Variants in C6 observed in about 807,000 individuals in gnomAD.
C6 encodes complement C6, also known as complement component C6.
C6 carries 101 observed loss-of-function variants against 112.9 expected under a neutral mutation model. The observed-to-expected ratio is 0.89, with a 90% CI of 0.76 to 1.06. The LOEUF is 1.06. Among genes scored for constraint, C6 ranks in the 50% least tolerant of loss-of-function variants. C6 has a pLI of 0.00. For synonymous variants in C6, 431 were observed against 384.1 expected (o/e 1.12, Z -1.43); for missense variants, 1,202 against 1,104.6 (o/e 1.09, Z -1.25).
chr5:41,169,354 A>C (rs575834259), intron 9 of C6, among the ~76,000 whole-genome samples: 7 of 152,050 alleles, frequency 4.6e-5, no homozygotes, highest in African/African-American at 1.4e-4. Context: ...CGCACTCTTA[A>C]ATTATCCCTG....
rs1749747487 is a variant in C6, at chr5:41,186,106, GTATGGATTACTTGTCC to G, written c.674_689del (p.Arg225ThrfsTer21). On this transcript the variant is annotated frameshift_variant, in exon 6 of 18. Coordinates refer to ENST00000337836, the MANE Select transcript of C6 (RefSeq NM_000065.5). LOFTEE classifies it high-confidence loss of function. ...CATTTTCCAGATTGGCCGGAACACG[GTATGGATTACTTGTCC>G]TACTGCTTTTGACAGTTTTACATAT... is the stretch of plus-strand genomic sequence containing the variant. 3 of 1,613,988 alleles carry G rather than the reference GTATGGATTACTTGTCC, an allele frequency of 1.9e-6. No homozygotes were observed. Among genetic ancestry groups the G allele is most frequent in the Non-Finnish European group, 2.5e-6 (3 of 1,179,928 alleles).
At chr5:41,189,255 C>A (rs947323780) in intron 5 of C6, among the ~76,000 whole-genome samples, 3 of 151,858 alleles carry the variant, frequency 2.0e-5, no homozygotes, top group Non-Finnish European at 1.5e-5. Context: ...ACCATAAGAC[C>A]CTGCAATTCC....
rs1746140462 is a variant in C6, at chr5:41,149,226, A to G, written c.2623+15T>C. On this transcript the variant is annotated intron_variant, in intron 17 of 17. Coordinates refer to ENST00000337836, the MANE Select transcript of C6 (RefSeq NM_000065.5). ...TTAAGTGAGAGCATTTAGTATGGTC[A>G]CCATTGGAACTTACCTGAACATTTT... is the stretch of plus-strand genomic sequence containing the variant. 1 of 1,613,944 alleles carries G rather than the reference A, an allele frequency of 6.2e-7. No individual in the cohort carries two copies. Among genetic ancestry groups the G allele is most frequent in the Non-Finnish European group, 8.5e-7 (1 of 1,179,858 alleles).
At chr5:41,207,142 G>A (rs1416463686) in intron 1 of C6, among the ~76,000 whole-genome samples, 2 of 152,114 alleles carry the variant, frequency 1.3e-5, no homozygotes, top group Non-Finnish European at 2.9e-5. Flanking sequence ...CATAAGTGAA[G>A]GAGAAATAAA....
intron 5 of C6, 72 bp from the exon 6 acceptor site, chr5:41,186,280 A>G (rs1380958639): frequency 6.5e-7 from 1 of 1,529,602 alleles, no homozygotes; most frequent in Non-Finnish European, 9.0e-7. Context: ...AGTTATATGA[A>G]AGGAATTCCT....
intron 1 of C6, among the ~76,000 whole-genome samples, chr5:41,234,617 T>G (rs948126547): frequency 6.6e-6 from 1 of 152,144 alleles, no homozygotes; most frequent in East Asian, 1.9e-4. Flanking sequence ...AAATGATTAC[T>G]AATGACTAAT....
At chr5:41,201,888 A>G (rs1245057695) in intron 2 of C6, among the ~76,000 whole-genome samples, 174 bp from the exon 3 acceptor site, 13 of 152,122 alleles carry the variant, frequency 8.5e-5, no homozygotes, top group Admixed American at 7.9e-4. Flanking sequence ...AGAACTCAGG[A>G]CATACTTTGT....
At chr5:41,199,980 T>C (rs1287724174) in intron 3 of C6, 68 bp from the exon 4 acceptor site, 2 of 1,459,220 alleles carry the variant, frequency 1.4e-6, no homozygotes, top group African/African-American at 1.4e-5. Context: ...CTAAGAAAAC[T>C]GGGCTCCTCA....
At chr5:41,203,337 AT>A in intron 1 of C6, 87 bp from the exon 2 acceptor site, 1 of 1,400,786 alleles carries the variant, frequency 7.1e-7, no homozygotes, top group Non-Finnish European at 1.0e-6. Flanking sequence ...TTCAAATGTG[AT>A]TTTAGAAAAT....
At chr5:41,169,176 A>G (rs1206724611) in intron 9 of C6, among the ~76,000 whole-genome samples, 1 of 152,140 alleles carries the variant, frequency 6.6e-6, no homozygotes, top group Non-Finnish European at 1.5e-5. Context: ...CAAATGACCT[A>G]TCAGATGAGG....
chr5:41,186,607 A>T (rs1285778826), intron 5 of C6, among the ~76,000 whole-genome samples: 1 of 152,164 alleles, frequency 6.6e-6, no homozygotes, highest in African/African-American at 2.4e-5. Flanking sequence ...GAGAGCTCAT[A>T]ATAAAATAGT....
intron 1 of C6, among the ~76,000 whole-genome samples, chr5:41,230,322 G>A (rs1235856916): frequency 6.6e-6 from 1 of 152,088 alleles, no homozygotes; most frequent in East Asian, 1.9e-4. Context: ...GTGCAAGTAG[G>A]AGAGATATCA....
In C6 at chr5:41,149,255, C is replaced by T; in HGVS notation, c.2609G>A (p.Trp870Ter). 6.2e-7 allele frequency: 1 copy of T among 1,613,976 alleles called. No homozygotes were observed. The highest frequency in any genetic ancestry group is 8.5e-7 in the Non-Finnish European group (1 of 1,179,926). Residue 870 changes from tryptophan (W) to a stop codon, truncating the protein, a stop_gained, in exon 17 of 18, where the codon TGG (tryptophan) becomes TAG (stop). Coordinates refer to ENST00000337836, the MANE Select transcript of C6 (RefSeq NM_000065.5). LOFTEE classifies it high-confidence loss of function. ...TTGGAACTTACCTGAACATTTTTCC[C>T]AGTCATAGCAGGTGTCATAGCCACA... ...ESCGYDTCYDWEKCSASTSKC... is the reference protein window; with the variant it reads ...ESCGYDTCYD
At chr5:41,182,289 A>G (rs1417408941) in intron 6 of C6, among the ~76,000 whole-genome samples, 1 of 149,520 alleles carries the variant, frequency 6.7e-6, no homozygotes, top group Non-Finnish European at 1.5e-5. Context: ...GCAATTCATC[A>G]TCACACCAGT....
chr5:41,143,928 A>G (rs1383680390), intron 17 of C6, among the ~76,000 whole-genome samples: 7 of 152,254 alleles, frequency 4.6e-5, no homozygotes, highest in African/African-American at 1.7e-4. Flanking sequence ...TAAAGTTACC[A>G]AAGTTGAGTA....
At chr5:41,245,219 G>A (rs1378323983) in intron 1 of C6, among the ~76,000 whole-genome samples, 3 of 152,052 alleles carry the variant, frequency 2.0e-5, no homozygotes, top group African/African-American at 7.2e-5. Flanking sequence ...ATGTAACATT[G>A]GCATTTTTTT....
At chr5:41,206,769 C>A (rs1421421873) in intron 1 of C6, among the ~76,000 whole-genome samples, 1 of 152,164 alleles carries the variant, frequency 6.6e-6, no homozygotes, top group Non-Finnish European at 1.5e-5. Context: ...CTGAAAGTGA[C>A]AGGGCGAGTG....
chr5:41,157,997 T>C (rs1747080350), intron 13 of C6, among the ~76,000 whole-genome samples: 1 of 152,166 alleles, frequency 6.6e-6, no homozygotes, highest in South Asian at 2.1e-4. Flanking sequence ...TCTTTTATCA[T>C]AAGTGTGATA....
intron 4 of C6, among the ~76,000 whole-genome samples, chr5:41,198,355 T>A (rs573795408): frequency 6.6e-6 from 1 of 152,254 alleles, no homozygotes; most frequent in African/African-American, 2.4e-5. Flanking sequence ...AGCAAAACAG[T>A]ATACCATCTT....
Sources: allele counts gnomAD v4.1 joint callset (sites outside exome capture counted in the v4.1 genomes callset), GRCh38; gene constraint gnomAD v4.1.1; transcripts MANE v1.5; gene names NCBI Gene and HGNC (gene_info 2026-07-23, HGNC 2026-07-21).